Variants in EXT1 observed in about 807,000 individuals in gnomAD.
EXT1 encodes the protein exostosin glycosyltransferase 1, also known as exostosin-1.
In EXT1, 20 loss-of-function variants were observed where a neutral mutation model predicts 82.5. The observed-to-expected ratio is 0.24, with a 90% CI of 0.17 to 0.35. The LOEUF (loss-of-function observed/expected upper bound fraction) is 0.35. Ranked by LOEUF, EXT1 falls within the 10% of genes least tolerant of loss-of-function variation. The probability of loss-of-function intolerance (pLI) is 1.00; values close to 1 mark genes in which losing one functional copy is unlikely to be tolerated. For missense variants in EXT1, 757 were observed against 936.5 expected, an observed-to-expected ratio of 0.81 and a Z score of 2.50; for synonymous variants, 348 against 350.8, an observed-to-expected ratio of 0.99 and a Z score of 0.09.
intron 1 of EXT1, among the ~76,000 whole-genome samples, chr8:118,073,702 G>GCGAAGCGA (rs1817149429): frequency 8.7e-6 from 1 of 115,412 alleles, no homozygotes; most frequent in African/African-American, 2.8e-5. Context: ...GAGAAGAGAA[G>GCGAAGCGA]AGAAGCCTCT....
chr8:117,918,825 T>C (rs1170622459), intron 1 of EXT1, among the ~76,000 whole-genome samples: 1 of 152,152 alleles, frequency 6.6e-6, no homozygotes, highest in Non-Finnish European at 1.5e-5. Flanking sequence ...TAAAAGTTGT[T>C]TTAAGGCACT....
rs763562992 is a variant in EXT1 at position 118,110,697 on chromosome 8, T to C, written c.350A>G (p.Tyr117Cys). 1 of 1,614,206 alleles carries C rather than the reference T, an allele frequency of 6.2e-7. No homozygotes were observed. Among genetic ancestry groups the C allele is most frequent in the Non-Finnish European group, 8.5e-7 (1 of 1,180,044 alleles). ...TLCKKNGFKV[Y>C]VYPQQKGEKI... ...CTCCCCTTTTTGCTGTGGGTATACG[T>C]AGACTTTGAAGCCGTTTTTCTTGCA... The change falls in exon 1 of 11, where the codon TAC becomes TGC. Residue 117 changes from tyrosine (Y) to cysteine (C), a missense_variant. Physicochemically the swap from Tyr to Cys is radical, Grantham distance 194 (BLOSUM62 -2). Coordinates refer to ENST00000378204, the MANE Select transcript of EXT1 (RefSeq NM_000127.3).
intron 1 of EXT1, among the ~76,000 whole-genome samples, chr8:118,017,839 C>G (rs915943837): frequency 1.3e-5 from 2 of 152,192 alleles, no homozygotes; most frequent in Non-Finnish European, 2.9e-5. Context: ...CTTAAACCAC[C>G]TGATGTGGAA....
At chr8:117,911,266 A>C (rs982609457) in intron 1 of EXT1, among the ~76,000 whole-genome samples, 1 of 152,168 alleles carries the variant, frequency 6.6e-6, no homozygotes, top group Admixed American at 6.5e-5. Flanking sequence ...AGCTCCAAAT[A>C]AACCTTGGCA....
At chr8:118,041,641 A>G (rs571092708) in intron 1 of EXT1, among the ~76,000 whole-genome samples, 2 of 149,476 alleles carry the variant, frequency 1.3e-5, no homozygotes, top group African/African-American at 2.5e-5. Flanking sequence ...TTTTTAAACA[A>G]GAAAAAGAAA....
chr8:118,066,332 CTTTATTTATTTATTTATTTA>C (rs71307424), intron 1 of EXT1, among the ~76,000 whole-genome samples: 2 of 143,860 alleles, frequency 1.4e-5, no homozygotes, highest in African/African-American at 5.2e-5. Context: ...TTTTCTCTAG[CTTTATTTATTTATTTATTTA>C]TTTATTTATT....
chr8:117,846,359 C>T (rs962198403), intron 1 of EXT1, among the ~76,000 whole-genome samples: 1 of 152,146 alleles, frequency 6.6e-6, no homozygotes, highest in Non-Finnish European at 1.5e-5. Context: ...ACACCTGCCT[C>T]GGCCTCCCAA....
intron 1 of EXT1, among the ~76,000 whole-genome samples, chr8:118,081,466 C>A (rs1311059702): frequency 1.3e-5 from 2 of 152,172 alleles, no homozygotes; most frequent in Non-Finnish European, 2.9e-5. Flanking sequence ...AGAACCAGAT[C>A]ATCTGCTAGG....
At chr8:118,025,089 C>T (rs573750192) in intron 1 of EXT1, among the ~76,000 whole-genome samples, 28 of 152,256 alleles carry the variant, frequency 1.8e-4, no homozygotes, top group South Asian at 4.2e-4. Context: ...TGAGAAAGGA[C>T]AAGCTAGGAG....
chr8:118,109,674 T>A (rs1817857872), intron 1 of EXT1, among the ~76,000 whole-genome samples: 1 of 152,144 alleles, frequency 6.6e-6, no homozygotes, highest in Non-Finnish European at 1.5e-5. Context: ...AGCATCACTC[T>A]TGGTGGAAGG....
At chr8:118,030,772 G>A (rs1183497355) in intron 1 of EXT1, among the ~76,000 whole-genome samples, 4 of 152,084 alleles carry the variant, frequency 2.6e-5, no homozygotes, top group African/African-American at 4.8e-5. Context: ...ATGAACCACC[G>A]TGCCTGGCCA....
At chr8:117,830,379 A>G in intron 3 of EXT1, 30 bp from the exon 4 acceptor site, 3 of 1,611,506 alleles carry the variant, frequency 1.9e-6, no homozygotes, top group Non-Finnish European at 1.7e-6. Flanking sequence ...CATAGGAATT[A>G]TAACTGTAAA....
rs372876057 is a variant in EXT1 at position 117,807,299 on chromosome 8, T to C, written c.1801A>G (p.Asn601Asp). The part of the protein sequence containing the change: ...GYPARSHFWD[N>D]SKERWGYTSK... ...GTGTATCCCCACCGCTCCTTAGAGT[T>C]ATCCCAGAAGTGGCTGCGCGCGGGG... The change falls in exon 9 of 11, where the codon AAC becomes GAC. Residue 601 changes from asparagine (N) to aspartate (D), a missense_variant. This residue lies in a region of EXT1 where 128 missense variants were observed against 223.2 expected (regional missense o/e 0.57). Transcript: ENST00000378204. 4 of 1,614,100 alleles carry C rather than the reference T, an allele frequency of 2.5e-6. No homozygotes were observed. The African/African-American group carries it at 5.3e-5, about 22-fold the overall frequency.
chr8:117,967,894 T>C (rs1185934778), intron 1 of EXT1, among the ~76,000 whole-genome samples: 1 of 152,204 alleles, frequency 6.6e-6, no homozygotes, highest in Non-Finnish European at 1.5e-5. Flanking sequence ...TCTAAAGATC[T>C]GATGTACATG....
intron 1 of EXT1, among the ~76,000 whole-genome samples, chr8:118,108,892 C>G (rs1466010224): frequency 1.3e-5 from 2 of 152,182 alleles, no homozygotes; most frequent in African/African-American, 4.8e-5. Context: ...ATCTGCCAAC[C>G]TCTGCCAGTT....
chr8:117,835,441 T>C lies in EXT1; in HGVS notation c.1164+3A>G. On this transcript the variant is annotated splice_donor_region_variant and intron_variant, in intron 3 of 10. Coordinates refer to ENST00000378204, the MANE Select transcript of EXT1 (RefSeq NM_000127.3). ...GTGTTGAAGGCCACAGCCCCTTCCTTACCTGTAATAACAATCTCTCATCGC... is the reference window on the plus strand; with the variant it reads ...GTGTTGAAGGCCACAGCCCCTTCCTCACCTGTAATAACAATCTCTCATCGC... 1 of 1,611,526 alleles carries C rather than the reference T, an allele frequency of 6.2e-7. No homozygotes were observed. The highest frequency in any genetic ancestry group is 8.5e-7 in the Non-Finnish European group (1 of 1,177,584).
chr8:117,859,973 C>A (rs1812651321), intron 1 of EXT1, among the ~76,000 whole-genome samples: 1 of 151,808 alleles, frequency 6.6e-6, no homozygotes. Flanking sequence ...ATGGTGCAAC[C>A]CTGACTCTAC....
At chr8:117,900,536 CAAGTCT>C (rs1188783331) in intron 1 of EXT1, among the ~76,000 whole-genome samples, 7 of 152,308 alleles carry the variant, frequency 4.6e-5, no homozygotes, top group Admixed American at 1.3e-4. Context: ...CTGACCACCC[CAAGTCT>C]AATTCTGGGG....
At chr8:118,034,572 T>C (rs1816386310) in intron 1 of EXT1, among the ~76,000 whole-genome samples, 2 of 152,138 alleles carry the variant, frequency 1.3e-5, no homozygotes, top group South Asian at 4.2e-4. Flanking sequence ...ATCACACAGA[T>C]ATTAATGTGA....
Sources: allele counts gnomAD v4.1 joint callset (sites outside exome capture counted in the v4.1 genomes callset), GRCh38; gene constraint gnomAD v4.1.1; regional missense constraint gnomAD v4.1.1; transcripts MANE v1.5; gene names NCBI Gene and HGNC (gene_info 2026-07-23, HGNC 2026-07-21).